The following EPHA5 variants were observed in gnomAD, a reference collection of about 807,000 sequenced individuals.
The protein encoded by EPHA5 is EPH receptor A5, also known as ephrin type-A receptor 5.
A neutral mutation model predicts 105.0 loss-of-function variants in EPHA5; 60 were observed. The ratio of observed to expected loss-of-function variants is 0.57; its 90% CI spans 0.46 to 0.71. The LOEUF is 0.71. Among genes scored for constraint, EPHA5 ranks in the 30% least tolerant of loss-of-function variants. The pLI is 0.00. For missense variants in EPHA5, 1,218 were observed against 1,274.7 expected (o/e 0.96, Z 0.68); for synonymous variants, 513 against 449.1 (o/e 1.14, Z -1.80).
chr4:65,466,108 AT>A (rs1380721894), intron 5 of EPHA5, among the ~76,000 whole-genome samples: 2 of 152,258 alleles, frequency 1.3e-5, no homozygotes, highest in African/African-American at 4.8e-5. Context: ...GAGAGGTTGT[AT>A]GTGTGCATGT....
At chr4:65,516,124 G>A (rs1274672212) in intron 3 of EPHA5, among the ~76,000 whole-genome samples, 1 of 152,028 alleles carries the variant, frequency 6.6e-6, no homozygotes, top group African/African-American at 2.4e-5. Context: ...AACAATGTGG[G>A]GGTTGAGGCA....
intron 2 of EPHA5, among the ~76,000 whole-genome samples, chr4:65,617,187 C>T (rs1197271476): frequency 6.6e-6 from 1 of 151,928 alleles, no homozygotes; most frequent in Non-Finnish European, 1.5e-5. Flanking sequence ...AGTGAAATAC[C>T]ATATCATATT....
intron 5 of EPHA5, among the ~76,000 whole-genome samples, chr4:65,466,701 A>G (rs1292463213): frequency 6.6e-6 from 1 of 152,184 alleles, no homozygotes; most frequent in African/African-American, 2.4e-5. Flanking sequence ...AATTCACTGG[A>G]TGATTAGATG....
intron 4 of EPHA5, 22 bp from the exon 5 acceptor site, chr4:65,490,734 G>A: frequency 6.2e-7 from 1 of 1,603,082 alleles, no homozygotes; most frequent in Middle Eastern, 1.7e-4. Context: ...AGTAAAGTAA[G>A]AAAAACATAT....
chr4:65,645,087 A>C (rs542304557), intron 1 of EPHA5, among the ~76,000 whole-genome samples: 1 of 152,174 alleles, frequency 6.6e-6, no homozygotes, highest in African/African-American at 2.4e-5. Context: ...ATACCCACTG[A>C]CCTTGCAAAT....
chr4:65,632,308 A>G (rs993688978), intron 2 of EPHA5, among the ~76,000 whole-genome samples: 2 of 152,082 alleles, frequency 1.3e-5, no homozygotes, highest in Non-Finnish European at 2.9e-5. Context: ...ATGTTTGTGC[A>G]GGTTGTATAT....
rs1244281608 is a variant in EPHA5, at chr4:65,574,619, TATATATACACATATATATATACAC to T, written c.910+26998_910+27021del. Among the ~76,000 whole-genome samples the T allele has an allele frequency of 1.8e-4, 24 of 134,902 alleles. No individual in the cohort carries two copies. In the East Asian group the frequency reaches 2.1e-3, roughly 12 times the overall value. The allele number at this position is 134,902 out of a possible 152,430, so 88.5% of individuals were successfully genotyped here. A position where few individuals can be genotyped will look rare whatever the true frequency, so the allele number is the denominator to read the frequency against. ...ATTGCTGTATATATATATACATATA[TATATATACACATATATATATACAC>T]ATATATATACACATATATATATACA... On this transcript the variant is annotated intron_variant, in intron 3 of 16. Coordinates refer to ENST00000613740, the MANE Select transcript of EPHA5 (RefSeq NM_001281766.3).
At chr4:65,602,860 C>T (rs535880177) in intron 2 of EPHA5, among the ~76,000 whole-genome samples, 125 of 152,084 alleles carry the variant, frequency 8.2e-4, no homozygotes, top group African/African-American at 2.9e-3. Flanking sequence ...AAAGAAAATC[C>T]TTTAGTTTAA....
intron 3 of EPHA5, among the ~76,000 whole-genome samples, chr4:65,572,978 C>A (rs1479526686): frequency 1.3e-5 from 2 of 151,724 alleles, no homozygotes; most frequent in African/African-American, 4.8e-5. Flanking sequence ...CTGCAGTAAG[C>A]CAAGATCATG....
chr4:65,654,747 T>A (rs1034577687), intron 1 of EPHA5, among the ~76,000 whole-genome samples: 3 of 147,310 alleles, frequency 2.0e-5, no homozygotes, highest in Non-Finnish European at 3.0e-5. Context: ...AAATTATAGT[T>A]ATCTATCTAA....
chr4:65,445,816 A>G (rs1726462630), intron 5 of EPHA5, among the ~76,000 whole-genome samples: 1 of 152,190 alleles, frequency 6.6e-6, no homozygotes, highest in Non-Finnish European at 1.5e-5. Flanking sequence ...AAACCTCAGG[A>G]GCAAAGCTAA....
intron 3 of EPHA5, among the ~76,000 whole-genome samples, chr4:65,591,614 A>ATTT (rs1560743597): frequency 7.7e-5 from 11 of 143,178 alleles, no homozygotes; most frequent in South Asian, 2.1e-4. Context: ...ATTTTTTTTA[A>ATTT]AAAAAAAGCT....
At chr4:65,368,649 A>C (rs1036340762) in intron 8 of EPHA5, among the ~76,000 whole-genome samples, 7 of 152,184 alleles carry the variant, frequency 4.6e-5, no homozygotes, top group Non-Finnish European at 7.3e-5. Flanking sequence ...ACTCTACTAG[A>C]CATGGCTATA....
intron 5 of EPHA5, among the ~76,000 whole-genome samples, chr4:65,438,138 C>A (rs1725659925): frequency 2.0e-5 from 3 of 151,970 alleles, no homozygotes; most frequent in African/African-American, 7.2e-5. Context: ...TAAACAAGAA[C>A]AAGGTCCATA....
rs373019908 is a variant in EPHA5, at chr4:65,338,336, A to C, written c.2596-2211T>G. Among the ~76,000 whole-genome samples the C allele has an allele frequency of 2.0e-5, 3 of 152,268 alleles. No individual in the cohort carries two copies. The East Asian group carries it at 5.8e-4, about 29-fold the overall frequency. Reference sequence around the variant, plus strand: ...TATCAAAATAAAGCATCCTAATATAAATGGCTTAAGTCATGTAATATATTT... The same window carrying C: ...TATCAAAATAAAGCATCCTAATATACATGGCTTAAGTCATGTAATATATTT... On this transcript the variant is annotated intron_variant, in intron 14 of 16. Coordinates refer to ENST00000613740, the MANE Select transcript of EPHA5 (RefSeq NM_001281766.3).
At chr4:65,438,768 A>G (rs2149080656) in intron 5 of EPHA5, among the ~76,000 whole-genome samples, 1 of 151,956 alleles carries the variant, frequency 6.6e-6, no homozygotes, top group Non-Finnish European at 1.5e-5. Flanking sequence ...TTTATTTGGA[A>G]AAAAAAATAG....
chr4:65,331,396 G>T (rs1285583966), intron 16 of EPHA5: 2 of 1,043,852 alleles, frequency 1.9e-6, no homozygotes, highest in Non-Finnish European at 2.3e-6. Context: ...ACAGAAAAGG[G>T]CACAATTGGT....
In EPHA5 at chr4:65,590,206, C is replaced by T. The variant is rs186252526; in HGVS notation, c.910+11435G>A. 1.1e-4 allele frequency among the ~76,000 whole-genome samples: 17 copies of T among 152,268 alleles called. No individual in the cohort carries two copies. In the East Asian group the frequency reaches 2.9e-3, roughly 26 times the overall value. On this transcript the variant is annotated intron_variant, in intron 3 of 16. Transcript: ENST00000613740. The stretch of plus-strand genomic sequence containing the variant: ...TCCTTACCTTTTCTTTTATAAACTA[C>T]ACCTTTACAGTGCTCAAATGAGCAG...
At chr4:65,346,711 A>C (rs1011770532) in intron 14 of EPHA5, among the ~76,000 whole-genome samples, 2 of 152,154 alleles carry the variant, frequency 1.3e-5, no homozygotes, top group Non-Finnish European at 2.9e-5. Flanking sequence ...AGTGGGAGAA[A>C]ATTTTTGCAA....
Sources: gnomAD v4.1 joint callset for allele counts (sites outside exome capture counted in the v4.1 genomes callset) on GRCh38, gnomAD v4.1.1 for gene constraint, MANE v1.5 for transcripts, NCBI Gene and HGNC (gene_info 2026-07-23, HGNC 2026-07-21) for gene names.